TRPM3: variants seen among roughly 807,000 people sequenced by gnomAD.
TRPM3 encodes long transient receptor potential channel 3.
Under a neutral mutation model 181.2 loss-of-function variants are expected in TRPM3, and 77 were observed. The observed-to-expected ratio is 0.42, with a 90% CI of 0.35 to 0.51. The LOEUF (loss-of-function observed/expected upper bound fraction) is 0.51. Ranked by LOEUF, TRPM3 falls within the 20% of genes least tolerant of loss-of-function variation. The pLI, the probability that TRPM3 is intolerant of heterozygous loss-of-function variation, is 0.01. For missense variants in TRPM3, 1,759 were observed against 2,196.7 expected, an observed-to-expected ratio of 0.80 and a Z score of 3.98; for synonymous variants, 745 against 796.4, an observed-to-expected ratio of 0.94 and a Z score of 1.09.
At chr9:71,024,164 A>C (rs2097870760) in intron 1 of TRPM3, among the ~76,000 whole-genome samples, 1 of 152,326 alleles carries the variant, frequency 6.6e-6, no homozygotes, top group African/African-American at 2.4e-5. Flanking sequence ...ATGTAGAATT[A>C]GCTCAAAAAT....
chr9:71,403,658 G>T (rs543771530), intron 1 of TRPM3, among the ~76,000 whole-genome samples: 1 of 152,198 alleles, frequency 6.6e-6, no homozygotes, highest in African/African-American at 2.4e-5. Context: ...TATGCATAAA[G>T]AATTAAAGTG....
intron 1 of TRPM3, chr9:70,917,366 A>C: frequency 1.0e-6 from 1 of 999,692 alleles, no homozygotes; most frequent in Admixed American, 1.7e-5. Flanking sequence ...CAAGAGTGAA[A>C]GGCCTTCAAC....
intron 1 of TRPM3, among the ~76,000 whole-genome samples, chr9:71,279,053 A>AAAAC (rs1350151456): frequency 7.2e-6 from 1 of 139,828 alleles, no homozygotes; most frequent in Admixed American, 6.9e-5. Flanking sequence ...ATAAAAATAA[A>AAAAC]AATAAAAATA....
intron 1 of TRPM3, among the ~76,000 whole-genome samples, chr9:71,049,324 C>T (rs766117055): frequency 6.6e-6 from 1 of 152,094 alleles, no homozygotes; most frequent in African/African-American, 2.4e-5. Flanking sequence ...CTTGTAAGTA[C>T]TCATCTTTCA....
chr9:70,589,419 G>T (rs1207230373), intron 22 of TRPM3, among the ~76,000 whole-genome samples: 4 of 152,114 alleles, frequency 2.6e-5, no homozygotes, highest in African/African-American at 7.2e-5. Context: ...TTCCCTGGGG[G>T]CTTAATCTCA....
At chr9:71,425,260 G>A (rs1182721547) in intron 1 of TRPM3, among the ~76,000 whole-genome samples, 1 of 152,094 alleles carries the variant, frequency 6.6e-6, no homozygotes, top group Non-Finnish European at 1.5e-5. Context: ...ACCCAGGTTA[G>A]CTCTAACTGG....
chr9:71,335,661 G>C (rs1330946136), intron 1 of TRPM3, among the ~76,000 whole-genome samples: 1 of 152,026 alleles, frequency 6.6e-6, no homozygotes, highest in Admixed American at 6.6e-5. Flanking sequence ...TTATTTAAAA[G>C]AATACAGAAA....
intron 1 of TRPM3, among the ~76,000 whole-genome samples, chr9:71,105,969 T>C (rs996486742): frequency 2.0e-5 from 3 of 152,126 alleles, no homozygotes; most frequent in Admixed American, 1.3e-4. Flanking sequence ...TTTTTTTAAA[T>C]ATTATTGAGC....
At chr9:70,837,585 C>G (rs7861318) in intron 5 of TRPM3, among the ~76,000 whole-genome samples, 80,390 of 152,006 alleles carry the variant, frequency 0.53, 21,881 homozygotes, top group Non-Finnish European at 0.56. Flanking sequence ...AACAATCAAG[C>G]CTTCAGAAAC....
chr9:71,419,449 G>A (rs1359607597), intron 1 of TRPM3, among the ~76,000 whole-genome samples: 1 of 151,812 alleles, frequency 6.6e-6, no homozygotes, highest in Non-Finnish European at 1.5e-5. Flanking sequence ...TTTTCCCTGA[G>A]GAATAAAGTT....
At chr9:70,836,945 G>A (rs181457680) in intron 5 of TRPM3, among the ~76,000 whole-genome samples, 1 of 152,302 alleles carries the variant, frequency 6.6e-6, no homozygotes, top group East Asian at 1.9e-4. Context: ...ACTCATCACT[G>A]TTCTCACTAG....
intron 1 of TRPM3, among the ~76,000 whole-genome samples, chr9:71,301,007 T>G (rs1565439694): frequency 6.6e-6 from 1 of 152,160 alleles, no homozygotes; most frequent in Non-Finnish European, 1.5e-5. Flanking sequence ...AACCGAGGCT[T>G]CATTTCACCA....
intron 7 of TRPM3, chr9:70,783,796 C>CTTA: frequency 1.0e-6 from 1 of 1,002,054 alleles, no homozygotes; most frequent in Non-Finnish European, 1.2e-6. Context: ...CCTGCTTCTC[C>CTTA]TTACTGGGAG....
chr9:70,906,221 T>TAA (rs559067174), intron 1 of TRPM3, among the ~76,000 whole-genome samples: 1 of 148,572 alleles, frequency 6.7e-6, no homozygotes, highest in Non-Finnish European at 1.5e-5. Context: ...TTCCTATTGT[T>TAA]AAAAAAAAAA....
intron 1 of TRPM3, among the ~76,000 whole-genome samples, chr9:71,056,800 G>A (rs2060718384): frequency 6.6e-6 from 1 of 151,950 alleles, no homozygotes; most frequent in Non-Finnish European, 1.5e-5. Flanking sequence ...CCAGAACTGT[G>A]AGAAAATAAA....
chr9:70,665,804 C>T (rs968134394), intron 9 of TRPM3, among the ~76,000 whole-genome samples: 2 of 152,106 alleles, frequency 1.3e-5, no homozygotes, highest in Non-Finnish European at 2.9e-5. Context: ...AAACCTATGT[C>T]CTGAAGTTCT....
intron 6 of TRPM3, among the ~76,000 whole-genome samples, chr9:70,823,162 A>G (rs901844592): frequency 6.6e-6 from 1 of 152,150 alleles, no homozygotes; most frequent in Admixed American, 6.5e-5. Context: ...ATACACACAC[A>G]CGCAAAATCC....
At chr9:70,980,137 C>T (rs2097350548) in intron 1 of TRPM3, among the ~76,000 whole-genome samples, 1 of 148,220 alleles carries the variant, frequency 6.7e-6, no homozygotes, top group African/African-American at 2.5e-5. Flanking sequence ...GGTGGGAGCC[C>T]TGGTTATGAA....
chr9:70,773,425 C>A (rs1234314166), intron 7 of TRPM3, among the ~76,000 whole-genome samples: 1 of 152,086 alleles, frequency 6.6e-6, no homozygotes, highest in Non-Finnish European at 1.5e-5. Flanking sequence ...CATGTAGAAG[C>A]TCTAAAAAAT....
Sources: gnomAD v4.1 joint callset for allele counts (sites outside exome capture counted in the v4.1 genomes callset) on GRCh38, gnomAD v4.1.1 for gene constraint, MANE v1.5 for transcripts, NCBI Gene and HGNC (gene_info 2026-07-23, HGNC 2026-07-21) for gene names.